Variants in WWOX observed in about 807,000 individuals in gnomAD.
The protein encoded by WWOX is WW domain containing oxidoreductase, also known as WW domain-containing oxidoreductase.
WWOX carries 69 observed loss-of-function variants against 46.2 expected under a neutral mutation model. That is an observed-to-expected ratio of 1.49 (90% confidence interval 1.23 to 1.82). WWOX has a LOEUF of 1.82. WWOX is among the 40% of genes most tolerant of loss of function. The pLI is 0.00. For synonymous variants in WWOX, 359 were observed against 202.6 expected (o/e 1.77, Z -6.56); for missense variants, 919 against 542.6 (o/e 1.69, Z -6.89).
intron 8 of WWOX, among the ~76,000 whole-genome samples, chr16:78,489,128 G>A (rs1038489912): frequency 2.0e-5 from 3 of 152,182 alleles, no homozygotes; most frequent in African/African-American, 7.2e-5. Context: ...AATAGTGAAA[G>A]CAGGTTCTGT....
At chr16:78,583,492 C>T (rs1597304765) in intron 8 of WWOX, among the ~76,000 whole-genome samples, 1 of 152,174 alleles carries the variant, frequency 6.6e-6, no homozygotes, top group Non-Finnish European at 1.5e-5. Flanking sequence ...CTCTGAAAAG[C>T]ATCCCAGGTC....
intron 6 of WWOX, among the ~76,000 whole-genome samples, chr16:78,397,413 G>A (rs1014175841): frequency 6.6e-6 from 1 of 152,098 alleles, no homozygotes; most frequent in Non-Finnish European, 1.5e-5. Flanking sequence ...CAGAAGAATG[G>A]CAGTGTTTAA....
At chr16:78,371,825 T>G (rs915550094) in intron 5 of WWOX, among the ~76,000 whole-genome samples, 2 of 152,346 alleles carry the variant, frequency 1.3e-5, no homozygotes, top group East Asian at 3.9e-4. Context: ...TTTAACATTT[T>G]TATATTTCTC....
At chr16:78,463,296 G>A (rs2738657) in intron 8 of WWOX, among the ~76,000 whole-genome samples, 43,626 of 152,118 alleles carry the variant, frequency 0.29, 7,530 homozygotes, top group African/African-American at 0.49. Context: ...TTGTCCATCC[G>A]TGGTAAAAAG....
chr16:78,830,711 C>T (rs965406905), intron 8 of WWOX, among the ~76,000 whole-genome samples: 1 of 151,640 alleles, frequency 6.6e-6, no homozygotes, highest in African/African-American at 2.4e-5. Context: ...CTGGGCTGTT[C>T]AGGTCGATTT....
rs894146861 is a variant in WWOX, at chr16:78,269,464, C to T, written c.516+105175C>T. Among the ~76,000 whole-genome samples the T allele has an allele frequency of 5.3e-5, 8 of 152,302 alleles. 1 individual carries two copies. The highest frequency in any genetic ancestry group is 1.3e-4 in the Admixed American group (2 of 15,288). On this transcript the variant is annotated intron_variant, in intron 5 of 8. Transcript: ENST00000566780. ...CCATTCTGGTTTGACTGTGCTCGTGCTGCCCTGTGACATATTGTTTAACAC... is the reference window on the plus strand; with the variant it reads ...CCATTCTGGTTTGACTGTGCTCGTGTTGCCCTGTGACATATTGTTTAACAC...
At chr16:79,068,201 T>C (rs190478346) in intron 8 of WWOX, among the ~76,000 whole-genome samples, 1 of 152,152 alleles carries the variant, frequency 6.6e-6, no homozygotes, top group Non-Finnish European at 1.5e-5. Context: ...GTAATCCTTA[T>C]AAAAATAGTA....
chr16:78,595,802 A>C (rs1221380118), intron 8 of WWOX, among the ~76,000 whole-genome samples: 2 of 152,252 alleles, frequency 1.3e-5, no homozygotes, highest in African/African-American at 4.8e-5. Flanking sequence ...GAGAAGATTC[A>C]AAACCCGCTT....
chr16:78,351,885 G>C (rs1443801894), intron 5 of WWOX, among the ~76,000 whole-genome samples: 1 of 152,180 alleles, frequency 6.6e-6, no homozygotes, highest in African/African-American at 2.4e-5. Flanking sequence ...TCAAACTCGT[G>C]ACCTTAGGTG....
At chr16:79,044,400 T>C (rs2048029014) in intron 8 of WWOX, among the ~76,000 whole-genome samples, 1 of 152,126 alleles carries the variant, frequency 6.6e-6, no homozygotes, top group African/African-American at 2.4e-5. Context: ...TCATGAATGG[T>C]TTACCACCAT....
intron 8 of WWOX, among the ~76,000 whole-genome samples, chr16:78,907,271 C>A (rs540966805): frequency 6.6e-6 from 1 of 152,046 alleles, no homozygotes; most frequent in African/African-American, 2.4e-5. Flanking sequence ...GGGGATGGGG[C>A]TACCAGTCCT....
At chr16:79,132,430 G>C (rs776881204) in intron 8 of WWOX, among the ~76,000 whole-genome samples, 30 of 152,266 alleles carry the variant, frequency 2.0e-4, no homozygotes, top group Admixed American at 9.8e-4. Flanking sequence ...GCCACAGCCA[G>C]TGTTACAGAA....
chr16:78,121,660 G>C (rs577965549), intron 4 of WWOX, among the ~76,000 whole-genome samples: 1 of 150,710 alleles, frequency 6.6e-6, no homozygotes, highest in African/African-American at 2.4e-5. Context: ...TATCCGTGGT[G>C]TTTCAGTTTT....
chr16:79,084,143 A>T (rs2150586892), intron 8 of WWOX, among the ~76,000 whole-genome samples: 1 of 152,198 alleles, frequency 6.6e-6, no homozygotes, highest in South Asian at 2.1e-4. Flanking sequence ...AGACCAAAGG[A>T]GGGTGGGGCC....
intron 8 of WWOX, among the ~76,000 whole-genome samples, chr16:78,778,738 C>G (rs530565060): frequency 1.3e-5 from 2 of 152,142 alleles, no homozygotes; most frequent in East Asian, 1.9e-4. Context: ...GAAGACTTCT[C>G]TTGAAAAACT....
chr16:78,844,599 C>T (rs145376492), intron 8 of WWOX, among the ~76,000 whole-genome samples: 31 of 152,022 alleles, frequency 2.0e-4, no homozygotes, highest in East Asian at 9.7e-4. Context: ...AGGGAAAGAC[C>T]GCAGAATTCT....
chr16:78,885,712 C>T (rs1033979410), intron 8 of WWOX, among the ~76,000 whole-genome samples: 7 of 152,030 alleles, frequency 4.6e-5, no homozygotes, highest in African/African-American at 1.7e-4. Context: ...ACATTAATAT[C>T]TCACGAATGG....
intron 8 of WWOX, among the ~76,000 whole-genome samples, chr16:78,904,045 G>A (rs7203004): frequency 6.6e-6 from 1 of 151,868 alleles, no homozygotes; most frequent in Admixed American, 6.6e-5. Context: ...TGTTATTAAC[G>A]TGTCTGAAAT....
intron 5 of WWOX, among the ~76,000 whole-genome samples, chr16:78,329,140 T>A (rs1597490142): frequency 6.6e-6 from 1 of 152,124 alleles, no homozygotes; most frequent in African/African-American, 2.4e-5. Flanking sequence ...GGATTACAGG[T>A]GTGAGCTACC....
Sources: gnomAD v4.1 joint callset for allele counts (sites outside exome capture counted in the v4.1 genomes callset) on GRCh38, gnomAD v4.1.1 for gene constraint, MANE v1.5 for transcripts, NCBI Gene and HGNC (gene_info 2026-07-23, HGNC 2026-07-21) for gene names.